WDR59: variants seen among roughly 807,000 people sequenced by gnomAD.
WDR59 encodes WD repeat domain 59.
A neutral mutation model predicts 131.2 loss-of-function variants in WDR59; 100 were observed. The ratio of observed to expected loss-of-function variants is 0.76; its 90% CI spans 0.65 to 0.90. The LOEUF is 0.90. Ranked by LOEUF, WDR59 falls within the 40% of genes least tolerant of loss-of-function variation. The pLI is 0.00. For synonymous variants in WDR59, 601 were observed against 466.2 expected, an observed-to-expected ratio of 1.29 and a Z score of -3.72; for missense variants, 1,203 against 1,262.2, an observed-to-expected ratio of 0.95 and a Z score of 0.71.
intron 17 of WDR59, among the ~76,000 whole-genome samples, chr16:74,906,570 A>G (rs953130282): frequency 2.0e-5 from 3 of 152,142 alleles, no homozygotes; most frequent in African/African-American, 4.8e-5. Flanking sequence ...TTTTATGAAC[A>G]TATGTGTCCA....
chr16:74,889,069 A>G (rs1964915279), intron 21 of WDR59, among the ~76,000 whole-genome samples: 1 of 152,244 alleles, frequency 6.6e-6, no homozygotes, highest in African/African-American at 2.4e-5. Flanking sequence ...TGACAAGGAA[A>G]CGGAAGCACG....
rs138693651 is a variant in WDR59, at chr16:74,965,726, A to G, written c.104+47T>C. On this transcript the variant is annotated intron_variant, in intron 2 of 25. Transcript: ENST00000262144. ...AAGTTCCCAGAAACCCCGATTTGCA[A>G]ATCGTTTCCAGAAATCATGGCAGAC... 118 of 1,612,070 alleles carry G rather than the reference A, an allele frequency of 7.3e-5. 1 individual carries two copies. In the East Asian group the frequency reaches 2.5e-3, roughly 34 times the overall value.
Position 74,951,501 on chromosome 16 carries a change from C to G in WDR59, c.283G>C (p.Gly95Arg). The change falls in exon 4 of 26, where the codon GGG becomes CGG. Residue 95 changes from glycine to arginine, a missense_variant. Gly to Arg is a moderately radical substitution (Grantham distance 125). Coordinates refer to ENST00000262144, the MANE Select transcript of WDR59 (RefSeq NM_030581.4). ...CCTTGTAAGGTTGTGCCAACTTCCC[C>G]ACTGCCGTCTTTCCACTTGTAAAGG... The part of the protein sequence containing the change: ...VDLYKWKDGS[G>R]EVGTTLQGHT... 6.2e-7 allele frequency: 1 copy of G among 1,603,450 alleles called. No individual in the cohort carries two copies. The highest frequency in any genetic ancestry group is 8.5e-7 in the Non-Finnish European group (1 of 1,175,576).
intron 5 of WDR59, 118 bp downstream of exon 5, chr16:74,949,600 C>T (rs1435799720): frequency 7.6e-6 from 6 of 787,566 alleles, no homozygotes; most frequent in African/African-American, 5.3e-5. Flanking sequence ...TCAAATCTCT[C>T]ACTCAAACTT....
rs1477704626 is a variant in WDR59, at chr16:74,887,590, A to G, written c.2419+93T>C. The G allele has an allele frequency of 1.0e-5, 12 of 1,201,710 alleles. No individual in the cohort carries two copies. The East Asian group carries it at 2.6e-4, about 26-fold the overall frequency. The allele number at this position is 1,201,710 out of a possible 1,614,324, so 74.4% of individuals were successfully genotyped here. ...GTAAAGAGAAATAAGAAATAAGAAA[A>G]AATATGGAGACTAAGCATCAACTAA... On this transcript the variant is annotated intron_variant, in intron 23 of 25. Transcript: ENST00000262144.
chr16:74,878,522 G>A (rs752133352), intron 25 of WDR59, among the ~76,000 whole-genome samples: 3 of 151,922 alleles, frequency 2.0e-5, no homozygotes, highest in African/African-American at 4.8e-5. Context: ...GCGTGACGGC[G>A]CACACCTGTA....
At position 74,911,613 on chromosome 16, in the gene WDR59, C is replaced by A. The variant is rs376450572; in HGVS notation, c.1389+585G>T. The stretch of plus-strand genomic sequence containing the variant: ...TAAACACAGATGCCAGGCTGTGGTG[C>A]CTCCACCTGGACACCTACTGTGCAG... On this transcript the variant is annotated intron_variant, in intron 14 of 25. Transcript: ENST00000262144. Among the ~76,000 whole-genome samples, 20 of 152,338 alleles carry A rather than the reference C, an allele frequency of 1.3e-4. 2 individuals carry two copies. Among genetic ancestry groups the A allele is most frequent in the Admixed American group, 5.2e-4 (8 of 15,300 alleles).
chr16:74,961,112 C>T (rs2033544842), intron 2 of WDR59, among the ~76,000 whole-genome samples: 1 of 151,322 alleles, frequency 6.6e-6, no homozygotes, highest in Non-Finnish European at 1.5e-5. Context: ...TCAAGATCAG[C>T]CTAGGCAACA....
chr16:74,908,596 A>C (rs1304206714), intron 17 of WDR59: 1 of 240,934 alleles, frequency 4.2e-6, no homozygotes, highest in East Asian at 8.2e-5. Flanking sequence ...TTGAATAATA[A>C]AATAATTAAA....
intron 20 of WDR59, among the ~76,000 whole-genome samples, chr16:74,891,769 C>G (rs1454418711): frequency 1.3e-5 from 2 of 152,112 alleles, no homozygotes; most frequent in African/African-American, 2.4e-5. Flanking sequence ...CTAAAAAGTA[C>G]AAAAATTAGC....
chr16:74,976,905 G>A (rs947977841), intron 1 of WDR59, among the ~76,000 whole-genome samples: 1 of 152,030 alleles, frequency 6.6e-6, no homozygotes, highest in African/African-American at 2.4e-5. Flanking sequence ...TACTTAAGAG[G>A]CCAAGGCAGG....
chr16:74,885,280 C>T (rs1173667611), intron 25 of WDR59, among the ~76,000 whole-genome samples: 1 of 151,612 alleles, frequency 6.6e-6, no homozygotes, highest in African/African-American at 2.4e-5. Context: ...TGGTAAAACC[C>T]CATCTACTAA....
At position 74,889,708 on chromosome 16, in the gene WDR59, C is replaced by G. The variant is rs1299653300; in HGVS notation, c.2190G>C (p.Glu730Asp). 1.2e-6 allele frequency: 2 copies of G among 1,613,332 alleles called. No homozygotes were observed. The highest frequency in any genetic ancestry group is 2.2e-5 in the South Asian group (2 of 90,942). The change falls in exon 21 of 26, where the codon GAG becomes GAC. Residue 730 changes from glutamate (E) to aspartate (D), a missense_variant. Transcript: ENST00000262144. ...TTTTAGCTCTCAAAACCTACAGGGA[C>G]TCCAGCAGCTGCCGCCCAAATGGAT... ...ARHPFGRQLL[E>D]SLLAHYCRLR...
At chr16:74,971,042 C>T (rs2145215161) in intron 1 of WDR59, among the ~76,000 whole-genome samples, 1 of 151,890 alleles carries the variant, frequency 6.6e-6, no homozygotes, top group Admixed American at 6.6e-5. Context: ...AAGCAAGACC[C>T]TGTCTAAAAA....
At chr16:74,877,496 C>G (rs1964272861) in intron 25 of WDR59, among the ~76,000 whole-genome samples, 1 of 152,096 alleles carries the variant, frequency 6.6e-6, no homozygotes, top group African/African-American at 2.4e-5. Context: ...TCTGAAAAGT[C>G]TAGGGTTCTT....
chr16:74,920,891 T>C (rs1015535066), intron 10 of WDR59, among the ~76,000 whole-genome samples: 7 of 152,096 alleles, frequency 4.6e-5, no homozygotes, highest in Admixed American at 2.6e-4. Context: ...GCAATGGCTA[T>C]CGTAAGCATT....
rs1453135460 is a variant in WDR59, at chr16:74,873,594, T to G, written c.*615A>C. The stretch of plus-strand genomic sequence containing the variant: ...GTTGTTTAACTTTCTCTCTTTTTTT[T>G]TTTTTTCAAATTACTAGAATTTTAT... On this transcript the variant is annotated 3_prime_UTR_variant, in exon 26 of 26. Coordinates refer to ENST00000262144, the MANE Select transcript of WDR59 (RefSeq NM_030581.4). The G allele has an allele frequency of 6.6e-6, 1 of 152,012 alleles. No homozygotes were observed. The highest frequency in any genetic ancestry group is 1.5e-5 in the Non-Finnish European group (1 of 67,986). The allele number at this position is 152,012 out of a possible 1,614,324, so 9.4% of individuals were successfully genotyped here.
chr16:74,894,398 G>A (rs1965189714), intron 18 of WDR59, among the ~76,000 whole-genome samples: 1 of 152,132 alleles, frequency 6.6e-6, no homozygotes, highest in African/African-American at 2.4e-5. Context: ...CTGATTCAAG[G>A]GGCTTGGGTA....
At chr16:74,906,524 TCTG>T (rs1965829821) in intron 17 of WDR59, among the ~76,000 whole-genome samples, 1 of 151,978 alleles carries the variant, frequency 6.6e-6, no homozygotes, top group African/African-American at 2.4e-5. Context: ...ACTGAGGAAT[TCTG>T]CTCCTCAGGT....
Sources: gnomAD v4.1 joint callset for allele counts (sites outside exome capture counted in the v4.1 genomes callset) on GRCh38, gnomAD v4.1.1 for gene constraint, MANE v1.5 for transcripts, NCBI Gene and HGNC (gene_info 2026-07-23, HGNC 2026-07-21) for gene names.